The following XPO5 variants were observed in gnomAD, a reference collection of about 807,000 sequenced individuals.
The protein encoded by XPO5 is exportin 5, also known as exportin-5.
XPO5 carries 46 observed loss-of-function variants against 160.6 expected under a neutral mutation model. The ratio of observed to expected loss-of-function variants is 0.29; its 90% confidence interval spans 0.23 to 0.37. The LOEUF (loss-of-function observed/expected upper bound fraction) is 0.37. Ranked by LOEUF, XPO5 falls within the 10% of genes least tolerant of loss-of-function variation. The pLI is 1.00. For synonymous variants in XPO5, 537 were observed against 519.3 expected (o/e 1.03, Z -0.46); for missense variants, 1,090 against 1,463.9 (o/e 0.74, Z 4.17).
At position 43,523,834 on chromosome 6, in the gene XPO5, AG is replaced by A. The variant is rs761029519; in HGVS notation, c.*33del. ...CTACAAAGGGAAAGAAGAGATGACA[AG>A]AAAGGCCGAGGAAGGATGCCCAAAA... On this transcript the variant is annotated 3_prime_UTR_variant, in exon 32 of 32. Coordinates refer to ENST00000265351, the MANE Select transcript of XPO5 (RefSeq NM_020750.3). 6.2e-7 allele frequency: 1 copy of A among 1,613,958 alleles called. No homozygotes were observed. Among genetic ancestry groups the A allele is most frequent in the Non-Finnish European group, 8.5e-7 (1 of 1,179,828 alleles).
chr6:43,538,082 C>CAAAA (rs1217531011), intron 20 of XPO5, among the ~76,000 whole-genome samples: 1 of 36,128 alleles, frequency 2.8e-5, no homozygotes, highest in Non-Finnish European at 5.8e-5. Flanking sequence ...AAGATGGTCT[C>CAAAA]AAAAAAAAAA....
At position 43,547,635 on chromosome 6, in the gene XPO5, C is replaced by A. The variant is rs1245512756; in HGVS notation, c.2133G>T (p.Glu711Asp). 1 of 1,613,926 alleles carries A rather than the reference C, an allele frequency of 6.2e-7. No homozygotes were observed. The highest frequency in any genetic ancestry group is 1.3e-5 in the African/African-American group (1 of 74,936). The change falls in exon 19 of 32, where the codon GAG becomes GAT. Residue 711 changes from glutamate to aspartate, a missense_variant. Glu to Asp is a conservative substitution (Grantham distance 45). Around this residue, in one of 3 missense-constraint regions of XPO5, gnomAD observed 810 missense variants for 1,139.0 expected, o/e 0.71. Transcript: ENST00000265351. ...TDQKSCDPGL[E>D]DPCGLNRARM... is the part of the protein sequence containing the mutation. Reference sequence around the variant, plus strand: ...GTGCACGGTTTAAGCCACACGGATCCTCCAGGCCTGGGTCACAGCTCTTCT... The same window carrying A: ...GTGCACGGTTTAAGCCACACGGATCATCCAGGCCTGGGTCACAGCTCTTCT...
chr6:43,570,170 G>T (rs1762932236), intron 5 of XPO5, among the ~76,000 whole-genome samples: 1 of 150,522 alleles, frequency 6.6e-6, no homozygotes. Context: ...AAATCAGCCG[G>T]GCCTGGTGGC....
chr6:43,539,569 G>T, intron 20 of XPO5: 2 of 1,365,174 alleles, frequency 1.5e-6, no homozygotes, highest in Non-Finnish European at 2.1e-6. Context: ...CGCGGCCTCA[G>T]CCCCGGCCCG....
rs776411274 is a variant in XPO5 at position 43,523,785 on chromosome 6, G to A, written c.*83C>T. 23 of 1,608,570 alleles carry A rather than the reference G, an allele frequency of 1.4e-5. No homozygotes were observed. In the Admixed American group the frequency reaches 2.3e-4, roughly 16 times the overall value. On this transcript the variant is annotated 3_prime_UTR_variant, in exon 32 of 32. Transcript: ENST00000265351. ...GACAGTGGTGGAAAGTGAGGTGGCA[G>A]TGCAAGAAGGGCCTAGAGATCGGCT... is the stretch of plus-strand genomic sequence containing the variant.
At chr6:43,532,117 C>T (rs2127709033) in intron 21 of XPO5, among the ~76,000 whole-genome samples, 1 of 152,262 alleles carries the variant, frequency 6.6e-6, no homozygotes, top group Non-Finnish European at 1.5e-5. Flanking sequence ...AGCAGGAGTT[C>T]CTGACTTAAC....
In XPO5 at chr6:43,528,193, T is replaced by G; in HGVS notation, c.2788A>C (p.Lys930Gln). ...CTCCTTTGGTTGATAACTTGCCATT[T>G]CTGAGAAAGCCTCTGGGAAAACACA... Reference protein sequence around the residue: ...FTYLHMRLSQKWQVINQRSLL... With the variant: ...FTYLHMRLSQQWQVINQRSLL... The change falls in exon 25 of 32, where the codon AAA (lysine) becomes CAA (glutamine). Residue 930 changes from lysine to glutamine, a missense_variant. Transcript: ENST00000265351. The G allele has an allele frequency of 2.5e-6, 4 of 1,593,792 alleles. No individual in the cohort carries two copies. Among genetic ancestry groups the G allele is most frequent in the Non-Finnish European group, 2.6e-6 (3 of 1,169,676 alleles).
intron 18 of XPO5, 98 bp downstream of exon 18, chr6:43,548,163 C>T: frequency 1.7e-6 from 2 of 1,203,014 alleles, no homozygotes; most frequent in Non-Finnish European, 2.3e-6. Context: ...TGCCATCACA[C>T]TTCAATATCC....
intron 17 of XPO5, among the ~76,000 whole-genome samples, chr6:43,548,867 T>A (rs1248817348): frequency 6.6e-6 from 1 of 152,052 alleles, no homozygotes; most frequent in Non-Finnish European, 1.5e-5. Flanking sequence ...GTGATTTGCA[T>A]CTGCTTTTCT....
chr6:43,575,185 T>C (rs1248415881), intron 1 of XPO5, among the ~76,000 whole-genome samples: 1 of 152,184 alleles, frequency 6.6e-6, no homozygotes, highest in African/African-American at 2.4e-5. Context: ...CTAAAAATAT[T>C]ACACTCAAAA....
chr6:43,575,684 G>A lies in XPO5; in HGVS notation c.105+76C>T, dbSNP rs1763281397. The A allele has an allele frequency of 1.2e-5, 17 of 1,379,844 alleles. No homozygotes were observed. The South Asian group carries it at 1.6e-4, about 13-fold the overall frequency. 85.5% of individuals were successfully genotyped at this position (1,379,844 alleles called of 1,614,324 possible). On this transcript the variant is annotated intron_variant, in intron 1 of 31. Transcript: ENST00000265351. ...GCCGCGTGGGCGGGAGACTACCCCA[G>A]TTACAGGCGGCGCCGGAGCTGCTGG...
chr6:43,569,305 A>C (rs930985838), intron 5 of XPO5, among the ~76,000 whole-genome samples: 1 of 138,966 alleles, frequency 7.2e-6, no homozygotes, highest in African/African-American at 3.1e-5. Flanking sequence ...AAAAAAAAAA[A>C]CAACAAAAAA....
chr6:43,560,848 A>G (rs1263203580), intron 10 of XPO5, 76 bp downstream of exon 10: 5 of 1,199,206 alleles, frequency 4.2e-6, no homozygotes, highest in Admixed American at 1.7e-5. Context: ...ATGATCTACA[A>G]TAATATTTCA....
Position 43,531,459 on chromosome 6 carries a change from A to G in XPO5, c.2540+20T>C, listed in dbSNP as rs1407404875. 2 of 1,597,028 alleles carry G rather than the reference A, an allele frequency of 1.3e-6. No homozygotes were observed. Among genetic ancestry groups the G allele is most frequent in the African/African-American group, 2.7e-5 (2 of 74,536 alleles). On this transcript the variant is annotated intron_variant, in intron 22 of 31. Transcript: ENST00000265351. ...ACATATCGAGGAAGAAAATATGGAG[A>G]GGCAGCATTGGTTCCTTACCAGTTT...
Position 43,575,983 on chromosome 6 carries a change from G to A in XPO5, c.-119C>T, listed in dbSNP as rs557219576. The A allele has an allele frequency of 1.2e-5, 11 of 923,086 alleles. No homozygotes were observed. The highest frequency in any genetic ancestry group is 8.3e-5 in the East Asian group (3 of 36,336). 57.2% of individuals were successfully genotyped at this position (923,086 alleles called of 1,614,324 possible). On this transcript the variant is annotated 5_prime_UTR_variant, in exon 1 of 32. Coordinates refer to ENST00000265351, the MANE Select transcript of XPO5 (RefSeq NM_020750.3). ...CCGCGGCGGGCGGCGGGGGTGGGAA[G>A]CTGGAGGAGGAGCGTTAGCAGCAAC...
Position 43,560,348 on chromosome 6 carries a change from T to C in XPO5, c.1096-45A>G, listed in dbSNP as rs377047719. On this transcript the variant is annotated intron_variant, in intron 10 of 31. Transcript: ENST00000265351. Reference sequence around the variant, plus strand: ...AAAACGTCAAAGGATTTGGATTCTATATAACCCAGATTATTACTTAGCAGT... The same window carrying C: ...AAAACGTCAAAGGATTTGGATTCTACATAACCCAGATTATTACTTAGCAGT... The C allele has an allele frequency of 8.4e-6, 13 of 1,547,784 alleles. No individual in the cohort carries two copies. In the African/African-American group the frequency reaches 1.7e-4, roughly 20 times the overall value.
rs2127758843 is a variant in XPO5, at chr6:43,573,529, C to T, written c.178G>A (p.Val60Ile). The T allele has an allele frequency of 6.2e-7, 1 of 1,613,830 alleles. No individual in the cohort carries two copies. The highest frequency in any genetic ancestry group is 8.5e-7 in the Non-Finnish European group (1 of 1,179,768). ...AGGCCAAAATGTCTGACGATGGCAA[C>T]TTGTGTTTTCTCAGCCAACCTCAAG... The part of the protein sequence containing the change: ...CGLRLAEKTQ[V>I]AIVRHFGLQI... The change falls in exon 2 of 32, where the codon GTT (valine) becomes ATT (isoleucine). Residue 60 changes from valine to isoleucine, a missense_variant. Val to Ile is a conservative substitution (Grantham distance 29). Around this residue, in one of 3 missense-constraint regions of XPO5, gnomAD observed 170 missense variants for 227.0 expected, o/e 0.75. Transcript: ENST00000265351.
chr6:43,526,852 G>A (rs900770999), intron 26 of XPO5, 105 bp from the exon 27 acceptor site: 107 of 1,166,818 alleles, frequency 9.2e-5, no homozygotes, highest in Middle Eastern at 2.5e-4. Context: ...GGTGAGGAAG[G>A]AGGAAGATGG....
chr6:43,522,471 A>G lies in XPO5; in HGVS notation c.*1397T>C. The G allele has an allele frequency of 5.8e-6, 1 of 170,946 alleles. No homozygotes were observed. The highest frequency in any genetic ancestry group is 2.4e-5 in the African/African-American group (1 of 42,374). 10.6% of individuals were successfully genotyped at this position (170,946 alleles called of 1,614,324 possible). A position where few individuals can be genotyped will look rare whatever the true frequency, so the allele number is the denominator to read the frequency against. On this transcript the variant is annotated 3_prime_UTR_variant, in exon 32 of 32. Coordinates refer to ENST00000265351, the MANE Select transcript of XPO5 (RefSeq NM_020750.3). ...TTAAAAATATTACAATGCAATAAAT[A>G]CAACTACATCCTCCACAGCCCCAAC...
Sources: gnomAD v4.1 joint callset for allele counts (sites outside exome capture counted in the v4.1 genomes callset) on GRCh38, gnomAD v4.1.1 for gene constraint, gnomAD v4.1.1 regional missense constraint, MANE v1.5 for transcripts, NCBI Gene and HGNC (gene_info 2026-07-23, HGNC 2026-07-21) for gene names.